MANEAL: variants seen among roughly 807,000 people sequenced by gnomAD.
MANEAL encodes the protein mannosidase endo-alpha like.
In MANEAL, 28 loss-of-function variants were observed where a neutral mutation model predicts 35.9. That is an observed-to-expected ratio of 0.78 (90% CI 0.58 to 1.07). The LOEUF (loss-of-function observed/expected upper bound fraction) is 1.07. Among genes scored for constraint, MANEAL ranks in the 50% least tolerant of loss-of-function variants. The pLI, the probability that MANEAL is intolerant of heterozygous loss-of-function variation, is 0.00. For synonymous variants in MANEAL, 286 were observed against 272.2 expected (o/e 1.05, Z -0.50); for missense variants, 576 against 629.6 (o/e 0.91, Z 0.91).
rs1268543447 is a variant in MANEAL, at chr1:37,796,830, C to T, written c.737+10C>T. 2 of 1,605,234 alleles carry T rather than the reference C, an allele frequency of 1.2e-6. No individual in the cohort carries two copies. The highest frequency in any genetic ancestry group is 1.7e-6 in the Non-Finnish European group (2 of 1,175,776). On this transcript the variant is annotated intron_variant, in intron 3 of 3. Coordinates refer to ENST00000373045, the MANE Select transcript of MANEAL (RefSeq NM_001113482.2). ...AGTACATCATTGACACGTAAGGCTG[C>T]TCTGGGGGCCGGGATTTTGGTGGGG...
In MANEAL at chr1:37,801,053, AACTG is replaced by A. The variant is rs55987660; in HGVS notation, c.*856_*859del. The A allele has an allele frequency of 0.23, 34,454 of 152,504 alleles. 4,471 individuals are homozygous for A. Among genetic ancestry groups the A allele is most frequent in the Non-Finnish European group, 0.28 (19,302 of 67,954 alleles). 9.4% of individuals were successfully genotyped at this position (152,504 alleles called of 1,614,324 possible). On this transcript the variant is annotated 3_prime_UTR_variant, in exon 4 of 4. Coordinates refer to ENST00000373045, the MANE Select transcript of MANEAL (RefSeq NM_001113482.2). ...AAATCCCCCTCCCTTTAGCTGCCTG[AACTG>A]ACTGAGGCCCACTCACTAGAGCCAT...
chr1:37,794,423 G>A lies in MANEAL; in HGVS notation c.241G>A (p.Gly81Ser), dbSNP rs1362663534. The change falls in exon 1 of 4, where the codon GGC (glycine) becomes AGC (serine). Residue 81 changes from glycine (G) to serine (S), a missense_variant. Gly to Ser is a moderately conservative substitution (Grantham distance 56). This residue lies in a region of MANEAL where 449 missense variants were observed against 516.1 expected (regional missense o/e 0.87). Coordinates refer to ENST00000373045, the MANE Select transcript of MANEAL (RefSeq NM_001113482.2). This position sits in a 1 kb window ranked among gnomAD's most constrained non-coding sequence, Gnocchi z 5.7. ...PPPPPRTADP[G>S]GSPGPAPAEA... ...GCCGCCGCCCCGCACCGCGGACCCT[G>A]GCGGCTCCCCTGGGCCGGCACCCGC... is the stretch of plus-strand genomic sequence containing the variant. The A allele has an allele frequency of 2.2e-6, 3 of 1,387,882 alleles. No homozygotes were observed. The highest frequency in any genetic ancestry group is 2.5e-5 in the Admixed American group (1 of 40,516). 86.0% of individuals were successfully genotyped at this position (1,387,882 alleles called of 1,614,324 possible).
chr1:37,799,575 C>T lies in MANEAL; in HGVS notation c.746C>T (p.Ser249Phe), dbSNP rs376697641. 2 of 1,612,954 alleles carry T rather than the reference C, an allele frequency of 1.2e-6. No individual in the cohort carries two copies. The highest frequency in any genetic ancestry group is 1.7e-6 in the Non-Finnish European group (2 of 1,179,240). ...NIKYIIDTYG[S>F]HGAFYRYKNS... ...TTCTTTCTCCTTCTCAGGTATGGCT[C>T]CCATGGTGCATTTTACCGCTATAAG... Residue 249 changes from serine to phenylalanine, a missense_variant, in exon 4 of 4, where the codon TCC (serine) becomes TTC (phenylalanine). Transcript: ENST00000373045. This position sits in a 1 kb window ranked among gnomAD's most constrained non-coding sequence, Gnocchi z 4.1.
chr1:37,797,706 T>C (rs939525044), intron 3 of MANEAL, among the ~76,000 whole-genome samples: 16 of 152,042 alleles, frequency 1.1e-4, no homozygotes, highest in Non-Finnish European at 2.4e-4. Context: ...CTTGGGGGGC[T>C]AAGGTGAGTG....
rs1646628581 is a variant in MANEAL at position 37,794,653 on chromosome 1, C to T, written c.471C>T (p.Tyr157=). The T allele has an allele frequency of 1.2e-6, 2 of 1,610,434 alleles. No homozygotes were observed. The highest frequency in any genetic ancestry group is 1.7e-5 in the Admixed American group (1 of 59,846). ...SPPDDLGSSF[Y]PELGPYSSRD... is the part of the protein sequence containing the mutation. ...CAGACGACTTGGGCTCCAGCTTCTACCCGGAGCTGGGGCCCTACAGCTCCC... is the reference window on the plus strand; with the variant it reads ...CAGACGACTTGGGCTCCAGCTTCTATCCGGAGCTGGGGCCCTACAGCTCCC... Residue 157 remains tyrosine, a synonymous_variant, in exon 1 of 4, where the codon TAC becomes TAT. Coordinates refer to ENST00000373045, the MANE Select transcript of MANEAL (RefSeq NM_001113482.2). The surrounding 1 kb of genome is among the most constrained non-coding windows in gnomAD (Gnocchi z 5.7).
intron 2 of MANEAL, among the ~76,000 whole-genome samples, chr1:37,796,167 A>G (rs1483057419): frequency 2.0e-5 from 3 of 152,202 alleles, no homozygotes; most frequent in Non-Finnish European, 4.4e-5. Context: ...AGGGACCTGC[A>G]GACTCAACTC....
intron 1 of MANEAL, chr1:37,795,514 C>T (rs1348233611): frequency 7.3e-7 from 1 of 1,374,762 alleles, no homozygotes; most frequent in East Asian, 2.9e-5. Flanking sequence ...CCCTTCCGGC[C>T]TGGCGCGCTA....
chr1:37,795,737 G>C lies in MANEAL; in HGVS notation c.551G>C (p.Gly184Ala), dbSNP rs1473550740. 5 of 1,614,044 alleles carry C rather than the reference G, an allele frequency of 3.1e-6. No homozygotes were observed. The African/African-American group carries it at 6.7e-5, about 22-fold the overall frequency. Residue 184 changes from glycine (G) to alanine (A), a missense_variant and splice_region_variant, in exon 2 of 4, where the codon GGC (glycine) becomes GCC (alanine). Gly to Ala is a moderately conservative substitution (Grantham distance 60). Coordinates refer to ENST00000373045, the MANE Select transcript of MANEAL (RefSeq NM_001113482.2). ...AAGTGGCCTCTGTGTTGCGTCTCAG[G>C]CGTCCTGGTCCTGTCCTGGTACCCA... is the stretch of plus-strand genomic sequence containing the variant. ...HMTQLKEAAI[G>A]VLVLSWYPPG... is the part of the protein sequence containing the mutation.
At position 37,799,830 on chromosome 1, in the gene MANEAL, G is replaced by T; in HGVS notation, c.1001G>T (p.Gly334Val). ...TTTGCCTCCAATGGTTTCTCCTTTGGTTCTTCCCATCAGAACTGGAAAGCT... is the reference window on the plus strand; with the variant it reads ...TTTGCCTCCAATGGTTTCTCCTTTGTTTCTTCCCATCAGAACTGGAAAGCT... ...TYFASNGFSF[G>V]SSHQNWKAVK... Residue 334 changes from glycine (G) to valine (V), a missense_variant, in exon 4 of 4, where the codon GGT becomes GTT. By Grantham distance (109) the Gly-to-Val change is moderately radical. Transcript: ENST00000373045. This position sits in a 1 kb window ranked among gnomAD's most constrained non-coding sequence, Gnocchi z 4.1. 1 of 1,614,222 alleles carries T rather than the reference G, an allele frequency of 6.2e-7. No homozygotes were observed. The highest frequency in any genetic ancestry group is 8.5e-7 in the Non-Finnish European group (1 of 1,180,054).
At position 37,794,457 on chromosome 1, in the gene MANEAL, A is replaced by T; in HGVS notation, c.275A>T (p.Glu92Val). 6.4e-7 allele frequency: 1 copy of T among 1,555,486 alleles called. No homozygotes were observed. The highest frequency in any genetic ancestry group is 8.7e-7 in the Non-Finnish European group (1 of 1,151,024). ...GSPGPAPAEA[E>V]PAPVQSLRVY... ...CCTGGGCCGGCACCCGCGGAGGCCG[A>T]GCCCGCCCCCGTGCAGAGCCTGCGC... is the stretch of plus-strand genomic sequence containing the variant. Residue 92 changes from glutamate (E) to valine (V), a missense_variant, in exon 1 of 4, where the codon GAG becomes GTG. Physicochemically the swap from Glu to Val is moderately radical, Grantham distance 121 (BLOSUM62 -2). Around this residue, in one of 3 missense-constraint regions of MANEAL, gnomAD observed 449 missense variants for 516.1 expected, o/e 0.87. Transcript: ENST00000373045. This position sits in a 1 kb window ranked among gnomAD's most constrained non-coding sequence, Gnocchi z 5.7.
In MANEAL at chr1:37,795,856, C is replaced by G. The variant is rs1646641546; in HGVS notation, c.660+10C>G. On this transcript the variant is annotated intron_variant, in intron 2 of 3. Transcript: ENST00000373045. ...TCAGTACAGCATCCAGGTGAGTCTC[C>G]AAGAAGAGGCCACGTGCTCTCTGCC... The G allele has an allele frequency of 1.9e-6, 3 of 1,608,694 alleles. No homozygotes were observed. Among genetic ancestry groups the G allele is most frequent in the South Asian group, 2.2e-5 (2 of 90,972 alleles).
rs1013573784 is a variant in MANEAL, at chr1:37,799,061, G to T, written c.738-506G>T. Among the ~76,000 whole-genome samples, 34 of 151,832 alleles carry T rather than the reference G, an allele frequency of 2.2e-4. No homozygotes were observed. Among genetic ancestry groups the T allele is most frequent in the Admixed American group, 5.2e-4 (8 of 15,240 alleles). On this transcript the variant is annotated intron_variant, in intron 3 of 3. Transcript: ENST00000373045. This position sits in a 1 kb window ranked among gnomAD's most constrained non-coding sequence, Gnocchi z 4.1. ...TCTCAGAAAAAAGTAGTAATAATAAGAAGAAAAAAGAAAAGAAAAAGGGTC... is the reference window on the plus strand; with the variant it reads ...TCTCAGAAAAAAGTAGTAATAATAATAAGAAAAAAGAAAAGAAAAAGGGTC...
At position 37,794,877 on chromosome 1, in the gene MANEAL, A is replaced by C; in HGVS notation, c.550+145A>C. The stretch of plus-strand genomic sequence containing the variant: ...TTCTTAGCTGTTCCCTCCCACTCTC[A>C]TCCTGGGCCCACCATGCGACACCGC... On this transcript the variant is annotated intron_variant, in intron 1 of 3. Coordinates refer to ENST00000373045, the MANE Select transcript of MANEAL (RefSeq NM_001113482.2). The surrounding 1 kb of genome is among the most constrained non-coding windows in gnomAD (Gnocchi z 5.7). The C allele has an allele frequency of 8.5e-6, 5 of 590,732 alleles. No homozygotes were observed. The highest frequency in any genetic ancestry group is 2.8e-5 in the East Asian group (1 of 35,236). 36.6% of individuals were successfully genotyped at this position (590,732 alleles called of 1,614,324 possible). A position where few individuals can be genotyped will look rare whatever the true frequency, so the allele number is the denominator to read the frequency against.
At chr1:37,798,900 A>G (rs1259631897) in intron 3 of MANEAL, among the ~76,000 whole-genome samples, 8 of 151,806 alleles carry the variant, frequency 5.3e-5, no homozygotes, top group Admixed American at 2.6e-4. Flanking sequence ...TTAGGCAGGT[A>G]TGGTAGCGGG....
At position 37,799,926 on chromosome 1, in the gene MANEAL, G is replaced by C. The variant is rs761664100; in HGVS notation, c.1097G>C (p.Ser366Thr). Residue 366 changes from serine (S) to threonine (T), a missense_variant, in exon 4 of 4, where the codon AGC becomes ACC. Ser to Thr is a moderately conservative substitution (Grantham distance 58). Coordinates refer to ENST00000373045, the MANE Select transcript of MANEAL (RefSeq NM_001113482.2). This position sits in a 1 kb window ranked among gnomAD's most constrained non-coding sequence, Gnocchi z 4.1. ...GTGGGGCCTGGCTACATAGACACCA[G>C]CATTCGGCCCTGGAACAACCACAAT... is the stretch of plus-strand genomic sequence containing the variant. ...PSVGPGYIDT[S>T]IRPWNNHNTR... is the part of the protein sequence containing the mutation. 2 of 1,614,220 alleles carry C rather than the reference G, an allele frequency of 1.2e-6. No individual in the cohort carries two copies. The highest frequency in any genetic ancestry group is 2.2e-5 in the South Asian group (2 of 91,082).
At position 37,799,951 on chromosome 1, in the gene MANEAL, T is replaced by C; in HGVS notation, c.1122T>C (p.Asn374=). The change falls in exon 4 of 4, where the codon AAT becomes AAC. Residue 374 remains asparagine (N), a synonymous_variant. Transcript: ENST00000373045. The surrounding 1 kb of genome is among the most constrained non-coding windows in gnomAD (Gnocchi z 4.1). ...GCATTCGGCCCTGGAACAACCACAATACGCGCAACAGGGTCAATGGCAAGT... is the reference window on the plus strand; with the variant it reads ...GCATTCGGCCCTGGAACAACCACAACACGCGCAACAGGGTCAATGGCAAGT... ...DTSIRPWNNH[N]TRNRVNGKYY... is the part of the protein sequence containing the mutation. 1 of 1,614,188 alleles carries C rather than the reference T, an allele frequency of 6.2e-7. No homozygotes were observed. The highest frequency in any genetic ancestry group is 8.5e-7 in the Non-Finnish European group (1 of 1,180,028).
Position 37,799,723 on chromosome 1 carries a change from T to C in MANEAL, c.894T>C (p.Asp298=). The change falls in exon 4 of 4, where the codon GAT becomes GAC. Residue 298 remains aspartate, a synonymous_variant. Coordinates refer to ENST00000373045, the MANE Select transcript of MANEAL (RefSeq NM_001113482.2). This position sits in a 1 kb window ranked among gnomAD's most constrained non-coding sequence, Gnocchi z 4.1. ...ATTCGATCCGCAACACGCCCTACGA[T>C]GGGGTCTTCATAGCGCTGCTGGTGG... ...GPHSIRNTPY[D]GVFIALLVEE... 6.2e-7 allele frequency: 1 copy of C among 1,614,204 alleles called. No homozygotes were observed. Among genetic ancestry groups the C allele is most frequent in the Admixed American group, 1.7e-5 (1 of 60,010 alleles).
chr1:37,800,875 C>T lies in MANEAL; in HGVS notation c.*672C>T, dbSNP rs972109534. The T allele has an allele frequency of 6.6e-6, 1 of 152,432 alleles. No homozygotes were observed. Among genetic ancestry groups the T allele is most frequent in the African/African-American group, 2.4e-5 (1 of 41,462 alleles). 9.4% of individuals were successfully genotyped at this position (152,432 alleles called of 1,614,324 possible). ...CCCAGCTTTCCTTTTCTGGTGTGGC[C>T]TTGTAGCTAGTGCCTGGGCACAGGT... On this transcript the variant is annotated 3_prime_UTR_variant, in exon 4 of 4. Coordinates refer to ENST00000373045, the MANE Select transcript of MANEAL (RefSeq NM_001113482.2).
intron 3 of MANEAL, among the ~76,000 whole-genome samples, chr1:37,798,988 T>C (rs1646670987): frequency 6.6e-6 from 1 of 151,932 alleles, no homozygotes; most frequent in Non-Finnish European, 1.5e-5. Flanking sequence ...TGCAGTGAGC[T>C]GAGATCGCCC....
Sources: allele counts gnomAD v4.1 joint callset (sites outside exome capture counted in the v4.1 genomes callset), GRCh38; gene constraint gnomAD v4.1.1; regional missense constraint gnomAD v4.1.1; non-coding constraint Gnocchi (gnomAD v3.1); transcripts MANE v1.5; gene names NCBI Gene and HGNC (gene_info 2026-07-23, HGNC 2026-07-21).